The following UNC5D variants were observed in gnomAD, a reference collection of about 807,000 sequenced individuals.
UNC5D encodes netrin receptor UNC5D.
A neutral mutation model predicts 105.4 loss-of-function variants in UNC5D; 39 were observed. The ratio of observed to expected loss-of-function variants is 0.37; its 90% CI spans 0.29 to 0.48. UNC5D has a LOEUF of 0.48. Among genes scored for constraint, UNC5D ranks in the 20% least tolerant of loss-of-function variants. UNC5D has a pLI of 0.98. For missense variants in UNC5D, 991 were observed against 1,202.4 expected, an observed-to-expected ratio of 0.82 and a Z score of 2.60; for synonymous variants, 452 against 450.4, an observed-to-expected ratio of 1.00 and a Z score of -0.04.
chr8:35,594,053 G>T (rs1391898307), intron 3 of UNC5D, among the ~76,000 whole-genome samples: 4 of 152,160 alleles, frequency 2.6e-5, no homozygotes, highest in African/African-American at 9.7e-5. Context: ...AATCAAACGG[G>T]CTGTGGCAAT....
At chr8:35,702,544 A>C (rs982471159) in intron 7 of UNC5D, among the ~76,000 whole-genome samples, 1 of 152,114 alleles carries the variant, frequency 6.6e-6, no homozygotes, top group Admixed American at 6.6e-5. Context: ...GTAAAATTAA[A>C]GCAGAGAGAA....
intron 1 of UNC5D, among the ~76,000 whole-genome samples, chr8:35,414,852 C>T (rs911846055): frequency 2.0e-4 from 31 of 151,998 alleles, no homozygotes; most frequent in African/African-American, 5.8e-4. Context: ...TTTTTCAGTC[C>T]CAGTAGTGAA....
At chr8:35,304,393 GT>G (rs1453499490) in intron 1 of UNC5D, among the ~76,000 whole-genome samples, 2 of 152,038 alleles carry the variant, frequency 1.3e-5, no homozygotes, top group Non-Finnish European at 2.9e-5. Flanking sequence ...ATGGCGGAAT[GT>G]TGTTTTTGTA....
intron 1 of UNC5D, among the ~76,000 whole-genome samples, chr8:35,240,367 T>C (rs757764003): frequency 6.6e-6 from 1 of 152,220 alleles, no homozygotes; most frequent in Non-Finnish European, 1.5e-5. Flanking sequence ...GCAACTTTGT[T>C]TGAATATGAA....
chr8:35,276,447 T>G (rs1249259220), intron 1 of UNC5D, among the ~76,000 whole-genome samples: 1 of 152,210 alleles, frequency 6.6e-6, no homozygotes, highest in African/African-American at 2.4e-5. Context: ...GCCAGCACTT[T>G]CCAACATAGG....
At chr8:35,741,276 A>T (rs1284571337) in intron 11 of UNC5D, among the ~76,000 whole-genome samples, 1 of 152,152 alleles carries the variant, frequency 6.6e-6, no homozygotes, top group Non-Finnish European at 1.5e-5. Flanking sequence ...GTGTTGCTCA[A>T]ATTTCAGCAA....
intron 7 of UNC5D, among the ~76,000 whole-genome samples, chr8:35,691,397 G>A (rs1479976966): frequency 1.3e-5 from 2 of 152,118 alleles, no homozygotes; most frequent in Non-Finnish European, 2.9e-5. Context: ...TGAGGCAGAA[G>A]GATCACTTGA....
At chr8:35,727,728 G>A (rs1828953237) in intron 10 of UNC5D, 1 of 152,032 alleles carries the variant, frequency 6.6e-6, no homozygotes, top group Non-Finnish European at 1.5e-5. Context: ...AATGTTTTAG[G>A]ACATGGTAAG....
intron 1 of UNC5D, among the ~76,000 whole-genome samples, chr8:35,543,621 A>G (rs1219068367): frequency 6.6e-6 from 1 of 151,536 alleles, no homozygotes; most frequent in African/African-American, 2.4e-5. Flanking sequence ...TGAAACACAG[A>G]AAAATTCTTA....
At position 35,790,760 on chromosome 8, in the gene UNC5D, T is replaced by C; in HGVS notation, c.*197T>C. The C allele has an allele frequency of 4.9e-6, 3 of 612,900 alleles. No homozygotes were observed. In the South Asian group the frequency reaches 6.1e-5, roughly 12 times the overall value. The allele number at this position is 612,900 out of a possible 1,614,324, so 38.0% of individuals were successfully genotyped here. ...GGAAGAGTACAAGCTCTCTTACATA[T>C]AAGAGGGCTCTACTATCTCCTTGGA... On this transcript the variant is annotated 3_prime_UTR_variant, in exon 17 of 17. Coordinates refer to ENST00000404895, the MANE Select transcript of UNC5D (RefSeq NM_080872.4).
intron 1 of UNC5D, among the ~76,000 whole-genome samples, chr8:35,469,325 T>C (rs1051733318): frequency 6.6e-6 from 1 of 152,218 alleles, no homozygotes; most frequent in Admixed American, 6.5e-5. Flanking sequence ...AGCATTGCCT[T>C]GCCAAGTTAA....
At chr8:35,389,738 TAAAAA>T (rs5890808) in intron 1 of UNC5D, among the ~76,000 whole-genome samples, 1 of 126,556 alleles carries the variant, frequency 7.9e-6, no homozygotes, top group Non-Finnish European at 1.7e-5. Flanking sequence ...CTGGCTGATT[TAAAAA>T]AAAAAAAAAA....
intron 1 of UNC5D, among the ~76,000 whole-genome samples, chr8:35,463,273 T>A (rs1032701449): frequency 2.0e-5 from 3 of 152,162 alleles, no homozygotes; most frequent in Non-Finnish European, 4.4e-5. Flanking sequence ...GAAAAATTAG[T>A]TACGAGAGAG....
intron 1 of UNC5D, among the ~76,000 whole-genome samples, chr8:35,237,386 T>C (rs1246682487): frequency 6.6e-6 from 1 of 152,064 alleles, no homozygotes; most frequent in African/African-American, 2.4e-5. Flanking sequence ...TTGTTTTTAA[T>C]ACACTCTTAT....
rs537586382 is a variant in UNC5D at position 35,366,752 on chromosome 8, A to G, written c.103+130865A>G. ...TGAGTAATTTAGAGGCTATGGATAT[A>G]ATTGGAAATGTATTGGAAAACAGTT... On this transcript the variant is annotated intron_variant, in intron 1 of 16. Coordinates refer to ENST00000404895, the MANE Select transcript of UNC5D (RefSeq NM_080872.4). Among the ~76,000 whole-genome samples the G allele has an allele frequency of 3.9e-5, 6 of 152,194 alleles. No homozygotes were observed. In the South Asian group the frequency reaches 1.2e-3, roughly 32 times the overall value.
chr8:35,251,009 G>C (rs1381163160), intron 1 of UNC5D, among the ~76,000 whole-genome samples: 1 of 152,170 alleles, frequency 6.6e-6, no homozygotes, highest in East Asian at 1.9e-4. Context: ...CATAGAAACT[G>C]TCCTTTCTTG....
chr8:35,748,784 A>G (rs1379998167), intron 12 of UNC5D, 89 bp downstream of exon 12: 15 of 1,439,410 alleles, frequency 1.0e-5, no homozygotes, highest in African/African-American at 1.4e-5. Context: ...ACCACAAATC[A>G]GCATTTCGTT....
At chr8:35,732,589 A>G (rs987769085) in intron 11 of UNC5D, among the ~76,000 whole-genome samples, 2 of 152,170 alleles carry the variant, frequency 1.3e-5, no homozygotes, top group African/African-American at 4.8e-5. Context: ...TTAAGAAACC[A>G]TACCTATCTG....
intron 1 of UNC5D, among the ~76,000 whole-genome samples, chr8:35,331,617 T>C (rs1810638351): frequency 6.6e-6 from 1 of 152,188 alleles, no homozygotes; most frequent in Admixed American, 6.5e-5. Context: ...TGGACCATCC[T>C]TGGAGGGGGT....
Sources: gnomAD v4.1 joint callset for allele counts (sites outside exome capture counted in the v4.1 genomes callset) on GRCh38, gnomAD v4.1.1 for gene constraint, MANE v1.5 for transcripts, NCBI Gene and HGNC (gene_info 2026-07-23, HGNC 2026-07-21) for gene names.